The following CACNB2 variants were observed in gnomAD, a reference collection of about 807,000 sequenced individuals.
CACNB2 encodes voltage-dependent L-type calcium channel subunit beta-2.
CACNB2 carries 42 observed loss-of-function variants against 73.3 expected under a neutral mutation model. The ratio of observed to expected loss-of-function variants is 0.57; its 90% CI spans 0.45 to 0.74. The LOEUF is 0.74. Among genes scored for constraint, CACNB2 ranks in the 30% least tolerant of loss-of-function variants. The pLI is 0.00. For missense variants in CACNB2, 940 were observed against 853.0 expected, an observed-to-expected ratio of 1.10 and a Z score of -1.27; for synonymous variants, 348 against 310.3, an observed-to-expected ratio of 1.12 and a Z score of -1.28.
intron 3 of CACNB2, among the ~76,000 whole-genome samples, chr10:18,481,250 TTTTTTTTTTTTTTTGAGACA>T (rs2048755406): frequency 2.1e-5 from 2 of 93,588 alleles, no homozygotes; most frequent in African/African-American, 8.3e-5. Flanking sequence ...TTTTTTTTTT[TTTTTTTTTTTTTTTGAGACA>T]GAGTCTTGCT....
intron 3 of CACNB2, among the ~76,000 whole-genome samples, chr10:18,416,128 C>T (rs2044944850): frequency 6.6e-6 from 1 of 152,042 alleles, no homozygotes; most frequent in Non-Finnish European, 1.5e-5. Flanking sequence ...ACCCTTTAAC[C>T]CACCTCTCTT....
At chr10:18,435,915 A>G (rs2046114058) in intron 3 of CACNB2, among the ~76,000 whole-genome samples, 2 of 151,184 alleles carry the variant, frequency 1.3e-5, no homozygotes, top group South Asian at 4.2e-4. Context: ...AGCTCAACCA[A>G]TTCTGATCCT....
intron 2 of CACNB2, among the ~76,000 whole-genome samples, chr10:18,259,180 C>T (rs1040816218): frequency 6.6e-5 from 10 of 152,106 alleles, no homozygotes; most frequent in African/African-American, 2.4e-4. Flanking sequence ...CCCAGTTTGT[C>T]AGTTAAATAA....
At chr10:18,433,987 G>T (rs2046012426) in intron 3 of CACNB2, among the ~76,000 whole-genome samples, 1 of 152,020 alleles carries the variant, frequency 6.6e-6, no homozygotes, top group South Asian at 2.1e-4. Context: ...ATCCATTCCA[G>T]CAAGAGCTTC....
intron 2 of CACNB2, among the ~76,000 whole-genome samples, chr10:18,171,078 T>C (rs933186496): frequency 1.2e-4 from 19 of 152,150 alleles, no homozygotes; most frequent in Admixed American, 8.5e-4. Flanking sequence ...TCGCTGTTCT[T>C]GTTGTTTTTA....
chr10:18,201,994 G>A (rs2034902245), intron 2 of CACNB2, among the ~76,000 whole-genome samples: 2 of 152,078 alleles, frequency 1.3e-5, no homozygotes, highest in Non-Finnish European at 2.9e-5. Flanking sequence ...CTTTCATTAT[G>A]TAGCCAGGAA....
intron 2 of CACNB2, among the ~76,000 whole-genome samples, chr10:18,157,388 G>T (rs890478335): frequency 6.6e-6 from 1 of 152,130 alleles, no homozygotes; most frequent in Non-Finnish European, 1.5e-5. Flanking sequence ...GAAAAAAAAT[G>T]CTTACCTCAA....
intron 2 of CACNB2, among the ~76,000 whole-genome samples, chr10:18,351,929 A>G (rs763420007): frequency 6.6e-6 from 1 of 152,170 alleles, no homozygotes; most frequent in Non-Finnish European, 1.5e-5. Context: ...TTTAAAACAC[A>G]TATATAGACA....
chr10:18,385,711 T>A (rs7090503), intron 2 of CACNB2, among the ~76,000 whole-genome samples: 79,186 of 150,740 alleles, frequency 0.53, 21,440 homozygotes, highest in East Asian at 0.94. Flanking sequence ...GATAGAAAAA[T>A]ACTCTCTGAT....
chr10:18,453,097 A>T (rs1413254096), intron 3 of CACNB2, among the ~76,000 whole-genome samples: 2 of 152,118 alleles, frequency 1.3e-5, no homozygotes, highest in African/African-American at 4.8e-5. Context: ...CTGCTACCTC[A>T]TTAGTCCAAG....
chr10:18,499,356 G>A lies in CACNB2; in HGVS notation c.456+879G>A, dbSNP rs186547183. ...CCTAGGGCTGGGCCCGGTGGCTCATGCCTGTAATCCCAACACTTTGGGAGG... is the reference window on the plus strand; with the variant it reads ...CCTAGGGCTGGGCCCGGTGGCTCATACCTGTAATCCCAACACTTTGGGAGG... On this transcript the variant is annotated intron_variant, in intron 4 of 13. Transcript: ENST00000324631. Among the ~76,000 whole-genome samples the A allele has an allele frequency of 2.6e-4, 40 of 152,264 alleles. No homozygotes were observed. In the East Asian group the frequency reaches 3.5e-3, roughly 13 times the overall value.
chr10:18,231,176 TTTC>T (rs923177230), intron 2 of CACNB2, among the ~76,000 whole-genome samples: 77 of 152,254 alleles, frequency 5.1e-4, no homozygotes, highest in African/African-American at 1.3e-3. Context: ...TCAACTCTTT[TTTC>T]TTCTTCTTCT....
At chr10:18,335,773 G>C (rs1453303549) in intron 2 of CACNB2, among the ~76,000 whole-genome samples, 2 of 136,952 alleles carry the variant, frequency 1.5e-5, no homozygotes, top group Non-Finnish European at 3.1e-5. Flanking sequence ...AGTCTTGTTT[G>C]ACAGCAAGAA....
chr10:18,236,753 G>A (rs1446347985), intron 2 of CACNB2, among the ~76,000 whole-genome samples: 4 of 152,112 alleles, frequency 2.6e-5, no homozygotes, highest in Non-Finnish European at 4.4e-5. Flanking sequence ...TGAAGCCATC[G>A]GTAACCTTGG....
Position 18,140,829 on chromosome 10 carries a change from C to T in CACNB2, c.93C>T (p.Pro31=), listed in dbSNP as rs1192957611. 6.2e-7 allele frequency: 1 copy of T among 1,603,560 alleles called. No individual in the cohort carries two copies. The highest frequency in any genetic ancestry group is 1.1e-5 in the South Asian group (1 of 89,382). The stretch of plus-strand genomic sequence containing the variant: ...TGGAACTGCTAGAGAACGTGGCTCC[C>T]GCGGGGGCGCTCGGAGCCGCCGCAC... ...IQMELLENVA[P]AGALGAAAQS... Residue 31 remains proline, a synonymous_variant, in exon 1 of 14, where the codon CCC becomes CCT. Transcript: ENST00000324631.
chr10:18,166,208 A>C (rs550807786), intron 2 of CACNB2, among the ~76,000 whole-genome samples: 1 of 152,208 alleles, frequency 6.6e-6, no homozygotes, highest in South Asian at 2.1e-4. Flanking sequence ...AAATTAAGAC[A>C]CTTCAATCCT....
intron 2 of CACNB2, among the ~76,000 whole-genome samples, chr10:18,267,253 T>A (rs2037852542): frequency 6.6e-6 from 1 of 152,242 alleles, no homozygotes; most frequent in East Asian, 1.9e-4. Flanking sequence ...CTTAATTTTT[T>A]TCAGAACTTT....
At chr10:18,500,475 G>A (rs2050133525) in intron 4 of CACNB2, among the ~76,000 whole-genome samples, 1 of 152,142 alleles carries the variant, frequency 6.6e-6, no homozygotes, top group African/African-American at 2.4e-5. Context: ...TTCTGTAACA[G>A]TACTTCCTAA....
chr10:18,193,245 T>A (rs2034482919), intron 2 of CACNB2, among the ~76,000 whole-genome samples: 1 of 140,890 alleles, frequency 7.1e-6, no homozygotes, highest in Non-Finnish European at 1.5e-5. Flanking sequence ...TAATCCTGTG[T>A]GTAACTTTTT....
Sources: allele counts gnomAD v4.1 joint callset (sites outside exome capture counted in the v4.1 genomes callset), GRCh38; gene constraint gnomAD v4.1.1; transcripts MANE v1.5; gene names NCBI Gene and HGNC (gene_info 2026-07-23, HGNC 2026-07-21).